CDKL4: variants seen among roughly 807,000 people sequenced by gnomAD.
CDKL4 encodes cyclin dependent kinase like 4, also known as cyclin-dependent kinase-like 4.
Under a neutral mutation model 42.0 loss-of-function variants are expected in CDKL4, and 44 were observed. The observed-to-expected ratio is 1.05, with a 90% CI of 0.82 to 1.35. The LOEUF is 1.35. CDKL4 is among the 40% of genes most tolerant of loss of function. CDKL4 has a pLI of 0.00. For missense variants in CDKL4, 393 were observed against 369.9 expected (o/e 1.06, Z -0.51); for synonymous variants, 120 against 121.6 (o/e 0.99, Z 0.09).
At chr2:39,245,646 T>C (rs1016907093), upstream of CDKL4, among the ~76,000 whole-genome samples, 1 of 152,218 alleles carries the variant, frequency 6.6e-6, no homozygotes, top group Non-Finnish European at 1.5e-5. Flanking sequence ...GATTACACCA[T>C]GTCCCCTTCT....
chr2:39,185,144 A>ATG (rs1215254735), intron 7 of CDKL4, among the ~76,000 whole-genome samples: 6 of 138,146 alleles, frequency 4.3e-5, no homozygotes, highest in South Asian at 2.2e-4. Flanking sequence ...ATACATATAT[A>ATG]TGTGTATATA....
chr2:39,204,445 T>A (rs1677044041), intron 5 of CDKL4, 82 bp downstream of exon 5: 3 of 821,862 alleles, frequency 3.7e-6, no homozygotes, highest in Non-Finnish European at 6.2e-6. Context: ...TTGGCATATG[T>A]CCAATATCCA....
intron 7 of CDKL4, among the ~76,000 whole-genome samples, chr2:39,186,957 T>C (rs1034272180): frequency 2.0e-5 from 3 of 152,162 alleles, no homozygotes; most frequent in Admixed American, 1.3e-4. Flanking sequence ...CATTGTAATG[T>C]AGTTTTTATA....
intron 3 of CDKL4, 52 bp downstream of exon 3, chr2:39,225,786 GA>G: frequency 6.5e-7 from 1 of 1,543,980 alleles, no homozygotes; most frequent in Admixed American, 2.0e-5. Context: ...TAATTCCACA[GA>G]AAATGAAACT....
chr2:39,238,341 G>C (rs1000684776), intron 1 of CDKL4, among the ~76,000 whole-genome samples: 3 of 152,188 alleles, frequency 2.0e-5, no homozygotes, highest in African/African-American at 7.2e-5. Context: ...GTTGAGGCGG[G>C]AGGATCACCT....
At chr2:39,180,136 G>T (rs974704618) in intron 8 of CDKL4, among the ~76,000 whole-genome samples, 3 of 152,172 alleles carry the variant, frequency 2.0e-5, no homozygotes, top group African/African-American at 7.2e-5. Flanking sequence ...AGACCTGGTG[G>T]CTCATGCCTG....
intron 1 of CDKL4, among the ~76,000 whole-genome samples, chr2:39,238,995 G>T (rs1275334471): frequency 6.6e-6 from 1 of 152,200 alleles, no homozygotes; most frequent in Non-Finnish European, 1.5e-5. Flanking sequence ...CAAGTGATCT[G>T]CCTGCTGTGG....
upstream of CDKL4, among the ~76,000 whole-genome samples, chr2:39,244,481 G>T (rs936730014): frequency 6.6e-6 from 1 of 152,238 alleles, no homozygotes; most frequent in Admixed American, 6.5e-5. Flanking sequence ...CGCTGCGCTC[G>T]ATTTCTCACT....
At chr2:39,237,770 T>A (rs996318440) in intron 1 of CDKL4, among the ~76,000 whole-genome samples, 1 of 152,166 alleles carries the variant, frequency 6.6e-6, no homozygotes, top group Non-Finnish European at 1.5e-5. Context: ...AGTAAAACTG[T>A]CATTATTCAG....
chr2:39,181,231 C>T (rs1020398612), intron 8 of CDKL4, among the ~76,000 whole-genome samples: 2 of 152,110 alleles, frequency 1.3e-5, no homozygotes, highest in African/African-American at 4.8e-5. Context: ...ACTTTCCTTG[C>T]TCCTCCCTCC....
At chr2:39,225,284 C>G (rs1678629307) in intron 3 of CDKL4, among the ~76,000 whole-genome samples, 1 of 151,868 alleles carries the variant, frequency 6.6e-6, no homozygotes, top group African/African-American at 2.4e-5. Flanking sequence ...CCTGTAATCC[C>G]AGCTACTCGG....
At chr2:39,225,177 G>A (rs1678622320) in intron 3 of CDKL4, among the ~76,000 whole-genome samples, 1 of 152,064 alleles carries the variant, frequency 6.6e-6, no homozygotes, top group South Asian at 2.1e-4. Flanking sequence ...CGAGGCAGGT[G>A]GATCATGAGG....
At chr2:39,233,044 C>CAAAAAA (rs72150084) in intron 1 of CDKL4, among the ~76,000 whole-genome samples, 77 of 65,242 alleles carry the variant, frequency 1.2e-3, no homozygotes, top group Non-Finnish European at 1.4e-3. Flanking sequence ...GACTCCATCT[C>CAAAAAA]AAAAAAAAAA....
chr2:39,226,534 T>C (rs1245007663), intron 2 of CDKL4, among the ~76,000 whole-genome samples: 1 of 149,152 alleles, frequency 6.7e-6, no homozygotes, highest in East Asian at 1.9e-4. Flanking sequence ...CTCTTATGCA[T>C]AGATATTTTG....
At chr2:39,226,544 G>T (rs1678758630) in intron 2 of CDKL4, among the ~76,000 whole-genome samples, 1 of 147,100 alleles carries the variant, frequency 6.8e-6, no homozygotes, top group East Asian at 2.0e-4. Context: ...TAGATATTTT[G>T]TGTGTTAAAT....
At chr2:39,175,854 A>G in exon 10 of CDKL4, 1 of 324,248 alleles carries the variant, frequency 3.1e-6, no homozygotes, top group South Asian at 2.6e-5. Flanking sequence ...GAAAGGAATC[A>G]GCAATGATCA....
the CDKL4 span, among the ~76,000 whole-genome samples, chr2:39,168,288 G>C: frequency 6.6e-6 from 1 of 152,144 alleles, no homozygotes; most frequent in South Asian, 2.1e-4. Context: ...TGGACACACA[G>C]AATCTTCAAT....
exon 2 of CDKL4, chr2:39,229,543 G>A (rs1388960411): frequency 6.3e-7 from 1 of 1,595,450 alleles, no homozygotes; most frequent in Non-Finnish European, 8.5e-7. Context: ...TATAGCTGAA[G>A]TGACTTAAAT....
exon 8 of CDKL4, chr2:39,184,638 C>T: frequency 6.2e-7 from 1 of 1,610,618 alleles, no homozygotes; most frequent in Non-Finnish European, 8.5e-7. Flanking sequence ...AACTTTTCCT[C>T]AAGAGTTTCC....
Sources: allele counts gnomAD v4.1 joint callset (sites outside exome capture counted in the v4.1 genomes callset), GRCh38; gene constraint gnomAD v4.1.1; transcripts MANE v1.5; gene names NCBI Gene and HGNC (gene_info 2026-07-23, HGNC 2026-07-21).